CCDC171: variants seen among roughly 807,000 people sequenced by gnomAD.
CCDC171 encodes coiled-coil domain-containing protein 171.
A neutral mutation model predicts 168.2 loss-of-function variants in CCDC171; 177 were observed. The observed-to-expected ratio is 1.05, with a 90% CI of 0.93 to 1.19. The LOEUF is 1.19. Ranked by LOEUF, CCDC171 falls within the 50% of genes most tolerant of loss-of-function variation. CCDC171 has a pLI of 0.00. For synonymous variants in CCDC171, 687 were observed against 540.8 expected (o/e 1.27, Z -3.75); for missense variants, 1,991 against 1,539.0 (o/e 1.29, Z -4.91).
At chr9:15,887,177 G>C (rs1353279156) in intron 24 of CCDC171, among the ~76,000 whole-genome samples, 1 of 151,688 alleles carries the variant, frequency 6.6e-6, no homozygotes, top group East Asian at 1.9e-4. Context: ...GCTTGATTGT[G>C]GTAATAATTT....
chr9:15,570,481 A>G (rs1247467668), intron 2 of CCDC171, among the ~76,000 whole-genome samples: 2 of 151,726 alleles, frequency 1.3e-5, no homozygotes, highest in Admixed American at 6.6e-5. Flanking sequence ...TCTGCTTATC[A>G]TATTAGATGC....
rs187517131 is a variant in CCDC171, at chr9:15,708,706, G to C, written c.1319-13063G>C. 2.1e-3 allele frequency among the ~76,000 whole-genome samples: 321 copies of C among 152,168 alleles called. 1 individual carries two copies. Among genetic ancestry groups the C allele is most frequent in the African/African-American group, 6.8e-3 (283 of 41,514 alleles). ...AAAACATTGGTAGCAGTTCATACTA[G>C]AGATAAAATTTTCCCTATAGTCTAT... On this transcript the variant is annotated intron_variant, in intron 11 of 25. Transcript: ENST00000380701.
At chr9:15,577,459 A>C (rs1406593654) in intron 3 of CCDC171, among the ~76,000 whole-genome samples, 1 of 152,100 alleles carries the variant, frequency 6.6e-6, no homozygotes, top group Non-Finnish European at 1.5e-5. Context: ...AATTTAAAGA[A>C]CTGTGATCCC....
At chr9:15,732,836 T>G (rs372059114) in intron 16 of CCDC171, among the ~76,000 whole-genome samples, 1 of 152,212 alleles carries the variant, frequency 6.6e-6, no homozygotes, top group East Asian at 1.9e-4. Flanking sequence ...ATATGGTAAG[T>G]GTATATTTAT....
intron 1 of CCDC171, among the ~76,000 whole-genome samples, chr9:16,053,902 A>G (rs945345532): frequency 2.0e-5 from 3 of 152,154 alleles, no homozygotes; most frequent in Admixed American, 1.3e-4. Flanking sequence ...GCTGCCTGTC[A>G]CCTCAGTGAT....
intron 10 of CCDC171, among the ~76,000 whole-genome samples, chr9:15,681,762 T>G (rs2050055842): frequency 6.6e-6 from 1 of 152,136 alleles, no homozygotes; most frequent in Non-Finnish European, 1.5e-5. Flanking sequence ...GAAGTTTTTC[T>G]AGTTCTGCAT....
intron 23 of CCDC171, among the ~76,000 whole-genome samples, chr9:15,866,025 G>A (rs928673374): frequency 6.6e-6 from 1 of 151,946 alleles, no homozygotes; most frequent in Non-Finnish European, 1.5e-5. Context: ...AAAGAAAGTG[G>A]CATGAGCAAC....
At chr9:16,027,384 C>T (rs1292125583) in intron 6 of CCDC171, among the ~76,000 whole-genome samples, 2 of 152,172 alleles carry the variant, frequency 1.3e-5, no homozygotes, top group Admixed American at 6.5e-5. Flanking sequence ...AAGCTTATGA[C>T]TGCAGAGAGG....
chr9:16,021,691 C>G (rs145155914), intron 4 of CCDC171, among the ~76,000 whole-genome samples: 285 of 152,208 alleles, frequency 1.9e-3, no homozygotes, highest in African/African-American at 5.3e-3. Context: ...GTGTTTGACC[C>G]CAGAGTGGGT....
At chr9:16,073,257 T>C in the CCDC171 span, among the ~76,000 whole-genome samples, 1 of 152,164 alleles carries the variant, frequency 6.6e-6, no homozygotes, top group Non-Finnish European at 1.5e-5. Flanking sequence ...ATCCATATAC[T>C]CGGGTTTGGT....
chr9:15,901,887 C>A (rs966837804), intron 24 of CCDC171, among the ~76,000 whole-genome samples: 12 of 152,114 alleles, frequency 7.9e-5, no homozygotes, highest in Non-Finnish European at 1.2e-4. Context: ...ATAGTACAGT[C>A]TTTATAATAG....
intron 9 of CCDC171, among the ~76,000 whole-genome samples, chr9:15,672,036 G>A (rs533841427): frequency 5.9e-5 from 9 of 152,182 alleles, no homozygotes; most frequent in Admixed American, 3.9e-4. Flanking sequence ...TTTAATGATC[G>A]CCATTCTAAC....
At chr9:15,900,569 G>C (rs1398404465) in intron 24 of CCDC171, among the ~76,000 whole-genome samples, 1 of 152,136 alleles carries the variant, frequency 6.6e-6, no homozygotes, top group East Asian at 1.9e-4. Context: ...GAAATTAAGA[G>C]ATAATAAATT....
intron 11 of CCDC171, among the ~76,000 whole-genome samples, chr9:15,696,184 C>G (rs1208041372): frequency 6.6e-6 from 1 of 152,162 alleles, no homozygotes. Context: ...TAAAAGGAAT[C>G]TAACAGCAAT....
At chr9:16,054,851 G>A (rs1490080023) in intron 1 of CCDC171, among the ~76,000 whole-genome samples, 5 of 152,168 alleles carry the variant, frequency 3.3e-5, no homozygotes, top group Non-Finnish European at 7.3e-5. Context: ...AAGGCAATGA[G>A]CATTGTTGTG....
At chr9:15,710,196 A>G (rs12684398) in intron 11 of CCDC171, among the ~76,000 whole-genome samples, 1 of 152,214 alleles carries the variant, frequency 6.6e-6, no homozygotes, top group Non-Finnish European at 1.5e-5. Context: ...AGTTTCTTGT[A>G]TATCTCATAT....
At chr9:15,647,858 A>G (rs1254516882) in intron 7 of CCDC171, among the ~76,000 whole-genome samples, 1 of 152,170 alleles carries the variant, frequency 6.6e-6, no homozygotes, top group Admixed American at 6.5e-5. Context: ...AACTATTCCA[A>G]TCAATAGAAA....
chr9:15,678,362 C>G (rs1483376719), intron 9 of CCDC171, among the ~76,000 whole-genome samples: 1 of 152,114 alleles, frequency 6.6e-6, no homozygotes, highest in Admixed American at 6.6e-5. Context: ...AGATGTGAGA[C>G]ATTTGTTCCA....
intron 21 of CCDC171, among the ~76,000 whole-genome samples, chr9:15,793,900 T>C (rs1226367731): frequency 2.6e-5 from 4 of 152,074 alleles, no homozygotes; most frequent in Non-Finnish European, 5.9e-5. Flanking sequence ...TTATCTATAC[T>C]CTCTGGGGCA....
Sources: allele counts gnomAD v4.1 joint callset (sites outside exome capture counted in the v4.1 genomes callset), GRCh38; gene constraint gnomAD v4.1.1; transcripts MANE v1.5; gene names NCBI Gene and HGNC (gene_info 2026-07-23, HGNC 2026-07-21).